The following TCF7L2 variants were observed in gnomAD, a reference collection of about 807,000 sequenced individuals.
The protein encoded by TCF7L2 is transcription factor 7 like 2, also known as transcription factor 7-like 2.
TCF7L2 carries 23 observed loss-of-function variants against 77.9 expected under a neutral mutation model. That is an observed-to-expected ratio of 0.30 (90% CI 0.21 to 0.42). The LOEUF is 0.42. TCF7L2 is among the 10% of genes least tolerant of loss of function. The probability of loss-of-function intolerance (pLI) is 1.00; values close to 1 mark genes in which losing one functional copy is unlikely to be tolerated. For missense variants in TCF7L2, 654 were observed against 793.1 expected (o/e 0.82, Z 2.11); for synonymous variants, 413 against 340.2 (o/e 1.21, Z -2.36).
chr10:113,097,842 A>G (rs2061209020), intron 5 of TCF7L2, among the ~76,000 whole-genome samples: 1 of 150,966 alleles, frequency 6.6e-6, no homozygotes, highest in Admixed American at 6.6e-5. Flanking sequence ...GCCTGAGGTC[A>G]GGAGTCAGAG....
intron 5 of TCF7L2, among the ~76,000 whole-genome samples, chr10:113,109,871 C>T (rs1240504344): frequency 6.6e-6 from 1 of 152,170 alleles, no homozygotes; most frequent in Non-Finnish European, 1.5e-5. Context: ...TGCTGTTTTA[C>T]CTGCCTCTTT....
intron 4 of TCF7L2, among the ~76,000 whole-genome samples, chr10:112,977,379 T>G (rs1252900026): frequency 6.6e-6 from 1 of 152,182 alleles, no homozygotes; most frequent in Non-Finnish European, 1.5e-5. Context: ...TGTTGATGAT[T>G]GAAATTGAAG....
chr10:112,982,341 A>G (rs909643200), intron 4 of TCF7L2, among the ~76,000 whole-genome samples: 6 of 152,134 alleles, frequency 3.9e-5, no homozygotes, highest in Non-Finnish European at 7.4e-5. Flanking sequence ...AGACTGGCCT[A>G]TCACGGGGAT....
intron 3 of TCF7L2, among the ~76,000 whole-genome samples, chr10:112,953,519 C>T (rs2032614832): frequency 6.6e-6 from 1 of 152,152 alleles, no homozygotes; most frequent in African/African-American, 2.4e-5. Context: ...TCTGCCTCTC[C>T]TCCCCTCCCC....
intron 4 of TCF7L2, among the ~76,000 whole-genome samples, chr10:112,968,039 T>C (rs1229530544): frequency 6.6e-6 from 1 of 152,236 alleles, no homozygotes; most frequent in Non-Finnish European, 1.5e-5. Context: ...CACAGAACTT[T>C]AGTAGAGAGT....
intron 5 of TCF7L2, chr10:113,089,639 G>A: frequency 6.9e-7 from 1 of 1,439,644 alleles, no homozygotes. Flanking sequence ...CCCATCCACT[G>A]CGATCCCTGA....
intron 5 of TCF7L2, among the ~76,000 whole-genome samples, chr10:113,128,410 G>T (rs2066014956): frequency 6.6e-6 from 1 of 152,064 alleles, no homozygotes; most frequent in Non-Finnish European, 1.5e-5. Flanking sequence ...TGTCTTAACA[G>T]ATTGTTTAAA....
intron 4 of TCF7L2, among the ~76,000 whole-genome samples, chr10:113,038,340 G>T (rs1039794077): frequency 6.6e-6 from 1 of 151,962 alleles, no homozygotes; most frequent in African/African-American, 2.4e-5. Flanking sequence ...TAACTAGGTT[G>T]CTCACCACGG....
chr10:112,972,769 C>T (rs2038564591), intron 4 of TCF7L2, among the ~76,000 whole-genome samples: 1 of 152,186 alleles, frequency 6.6e-6, no homozygotes, highest in Non-Finnish European at 1.5e-5. Flanking sequence ...CCGCGCCCAG[C>T]ATATGTGAAT....
chr10:113,035,499 C>CTT (rs1321894419), intron 4 of TCF7L2, among the ~76,000 whole-genome samples: 17 of 152,214 alleles, frequency 1.1e-4, no homozygotes, highest in Non-Finnish European at 2.4e-4. Flanking sequence ...GTCACCCAGG[C>CTT]TGGAGTGCAG....
chr10:113,029,651 C>A (rs961328636), intron 4 of TCF7L2, among the ~76,000 whole-genome samples: 1 of 151,790 alleles, frequency 6.6e-6, no homozygotes, highest in African/African-American at 2.4e-5. Flanking sequence ...CTCAGCCTCG[C>A]AAGTAGCTAG....
rs1308014560 is a variant in TCF7L2, at chr10:113,166,286, G to A, written c.*314G>A. The A allele has an allele frequency of 3.9e-6, 1 of 258,938 alleles. No homozygotes were observed. Among genetic ancestry groups the A allele is most frequent in the East Asian group, 5.8e-5 (1 of 17,252 alleles). The allele number at this position is 258,938 out of a possible 1,614,324, so 16.0% of individuals were successfully genotyped here. On this transcript the variant is annotated 3_prime_UTR_variant, in exon 14 of 14. Coordinates refer to ENST00000627217, the MANE Select transcript of TCF7L2 (RefSeq NM_001146274.2). ...ACTGTTATGTAGTTCGGATAGCTTAGTTTTAAAAGACTGATTAAAAAACAA... is the reference window on the plus strand; with the variant it reads ...ACTGTTATGTAGTTCGGATAGCTTAATTTTAAAAGACTGATTAAAAAACAA...
At chr10:112,961,931 A>T (rs1025861058) in intron 3 of TCF7L2, among the ~76,000 whole-genome samples, 1 of 151,888 alleles carries the variant, frequency 6.6e-6, no homozygotes, top group South Asian at 2.1e-4. Context: ...GAGAGAAGGT[A>T]AAATTAACTT....
intron 5 of TCF7L2, among the ~76,000 whole-genome samples, chr10:113,063,626 T>G (rs936274867): frequency 6.6e-6 from 1 of 152,130 alleles, no homozygotes; most frequent in Admixed American, 6.6e-5. Context: ...AATCTGATTC[T>G]GTTATCTGAG....
chr10:112,980,558 C>T (rs1363028302), intron 4 of TCF7L2, among the ~76,000 whole-genome samples: 1 of 152,136 alleles, frequency 6.6e-6, no homozygotes, highest in South Asian at 2.1e-4. Flanking sequence ...CAAAAACAAA[C>T]CTCCCCTGCT....
chr10:113,077,036 C>T (rs1302813599), intron 5 of TCF7L2, among the ~76,000 whole-genome samples: 1 of 152,202 alleles, frequency 6.6e-6, no homozygotes, highest in Non-Finnish European at 1.5e-5. Flanking sequence ...TTCTAGACAT[C>T]TGGCAAGAGC....
At chr10:113,132,972 C>T (rs2066836784) in intron 5 of TCF7L2, 1 of 152,122 alleles carries the variant, frequency 6.6e-6, no homozygotes, top group Non-Finnish European at 1.5e-5. Flanking sequence ...GGAAGAAAAC[C>T]CTGGAAACTC....
At chr10:112,952,208 CT>C (rs2031865742) in intron 3 of TCF7L2, among the ~76,000 whole-genome samples, 1 of 152,178 alleles carries the variant, frequency 6.6e-6, no homozygotes, top group Admixed American at 6.5e-5. Flanking sequence ...GGCTCCTTGG[CT>C]TTCTCTTTTG....
At chr10:112,993,269 C>T (rs890902347) in intron 4 of TCF7L2, among the ~76,000 whole-genome samples, 3 of 151,848 alleles carry the variant, frequency 2.0e-5, no homozygotes, top group South Asian at 2.1e-4. Context: ...CATGTAATCC[C>T]GGCACTTTGG....
Sources: gnomAD v4.1 joint callset for allele counts (sites outside exome capture counted in the v4.1 genomes callset) on GRCh38, gnomAD v4.1.1 for gene constraint, MANE v1.5 for transcripts, NCBI Gene and HGNC (gene_info 2026-07-23, HGNC 2026-07-21) for gene names.